TLK1: variants seen among roughly 807,000 people sequenced by gnomAD.
The protein encoded by TLK1 is tousled like kinase 1.
In TLK1, 24 loss-of-function variants were observed where a neutral mutation model predicts 105.3. The ratio of observed to expected loss-of-function variants is 0.23; its 90% confidence interval spans 0.17 to 0.32. TLK1 has a LOEUF of 0.32. Ranked by LOEUF, TLK1 falls within the 10% of genes least tolerant of loss-of-function variation. TLK1 has a pLI of 1.00. For missense variants in TLK1, 558 were observed against 910.5 expected (o/e 0.61, Z 4.98); for synonymous variants, 321 against 310.4 (o/e 1.03, Z -0.36).
intron 1 of TLK1, among the ~76,000 whole-genome samples, chr2:171,149,265 A>C (rs1241839734): frequency 6.6e-6 from 1 of 151,986 alleles, no homozygotes; most frequent in Non-Finnish European, 1.5e-5. Context: ...AAAAGAAATT[A>C]AATAATCCAT....
intron 4 of TLK1, 72 bp downstream of exon 4, chr2:171,061,009 T>C: frequency 7.1e-7 from 1 of 1,409,636 alleles, no homozygotes; most frequent in Non-Finnish European, 9.9e-7. Context: ...ATTAGAGTAT[T>C]AATTGGTTAA....
intron 1 of TLK1, among the ~76,000 whole-genome samples, chr2:171,138,132 G>A (rs1691415835): frequency 6.6e-6 from 1 of 152,244 alleles, no homozygotes; most frequent in Non-Finnish European, 1.5e-5. Flanking sequence ...GGTAGAGATA[G>A]GGGTTGTAAT....
intron 1 of TLK1, among the ~76,000 whole-genome samples, chr2:171,207,757 G>A (rs1693532802): frequency 6.6e-6 from 1 of 152,074 alleles, no homozygotes. Context: ...CTTTCTTTTT[G>A]TCACCCAGGC....
At chr2:171,149,026 C>A (rs888255520) in intron 1 of TLK1, among the ~76,000 whole-genome samples, 1 of 143,746 alleles carries the variant, frequency 7.0e-6, no homozygotes, top group Non-Finnish European at 1.5e-5. Flanking sequence ...TTGTTGGTCT[C>A]ATTTCTTGTC....
At chr2:171,157,534 C>T (rs534688622) in intron 1 of TLK1, among the ~76,000 whole-genome samples, 22 of 152,306 alleles carry the variant, frequency 1.4e-4, no homozygotes, top group Non-Finnish European at 2.5e-4. Flanking sequence ...ATATTTATCA[C>T]ATAATTTCCT....
intron 1 of TLK1, among the ~76,000 whole-genome samples, chr2:171,202,279 C>T (rs189339566): frequency 7.2e-5 from 11 of 151,920 alleles, no homozygotes; most frequent in African/African-American, 2.7e-4. Flanking sequence ...ATGGAGAAAC[C>T]CCATCTCTAT....
chr2:171,114,751 C>G (rs1309276427), intron 2 of TLK1, among the ~76,000 whole-genome samples: 2 of 152,062 alleles, frequency 1.3e-5, no homozygotes, highest in African/African-American at 4.8e-5. Flanking sequence ...GGGAGCATCA[C>G]CTGACCCCAG....
intron 18 of TLK1, among the ~76,000 whole-genome samples, chr2:170,998,662 G>A (rs1406081569): frequency 1.3e-5 from 2 of 152,210 alleles, no homozygotes; most frequent in Admixed American, 1.3e-4. Flanking sequence ...CAGACCGTGA[G>A]CAGCTCAAGG....
intron 18 of TLK1, among the ~76,000 whole-genome samples, chr2:171,003,273 C>CACA (rs1684482341): frequency 1.5e-5 from 1 of 68,508 alleles, no homozygotes; most frequent in Non-Finnish European, 2.6e-5. Context: ...GACTCCGTCT[C>CACA]AAAAAAAAAA....
At chr2:171,078,860 C>T (rs1055386418) in intron 3 of TLK1, among the ~76,000 whole-genome samples, 4 of 152,336 alleles carry the variant, frequency 2.6e-5, no homozygotes, top group East Asian at 1.9e-4. Flanking sequence ...TTTCATGTCC[C>T]TCCAACGCAA....
At chr2:171,225,371 T>C (rs1437094152) in intron 1 of TLK1, among the ~76,000 whole-genome samples, 1 of 152,042 alleles carries the variant, frequency 6.6e-6, no homozygotes, top group Non-Finnish European at 1.5e-5. Context: ...CCAATAAGCA[T>C]ACTAAAGATG....
At chr2:171,139,177 C>T (rs1691467032) in intron 1 of TLK1, among the ~76,000 whole-genome samples, 2 of 152,130 alleles carry the variant, frequency 1.3e-5, no homozygotes, top group African/African-American at 2.4e-5. Flanking sequence ...TATACACACA[C>T]ATATTATATA....
At chr2:171,034,582 G>A (rs1181109843) in intron 11 of TLK1, among the ~76,000 whole-genome samples, 2 of 152,202 alleles carry the variant, frequency 1.3e-5, no homozygotes, top group Admixed American at 1.3e-4. Context: ...GAGGTGAGAA[G>A]AGAAAGGGCT....
At chr2:171,227,185 G>A (rs1181059520) in intron 1 of TLK1, among the ~76,000 whole-genome samples, 3 of 152,076 alleles carry the variant, frequency 2.0e-5, no homozygotes, top group South Asian at 4.1e-4. Context: ...AGTTGAGGTG[G>A]AGCTGACCCT....
rs1683896400 is a variant in TLK1, at chr2:170,993,679, A to G, written c.*101T>C. The G allele has an allele frequency of 1.1e-6, 1 of 921,808 alleles. No individual in the cohort carries two copies. Among genetic ancestry groups the G allele is most frequent in the Non-Finnish European group, 1.5e-6 (1 of 684,648 alleles). The allele number at this position is 921,808 out of a possible 1,614,324, so 57.1% of individuals were successfully genotyped here. A position where few individuals can be genotyped will look rare whatever the true frequency, so the allele number is the denominator to read the frequency against. The stretch of plus-strand genomic sequence containing the variant: ...AACCACGTCTTGTGTAAAAAAAAAA[A>G]AAAAAAAAAAAGAAAAAGAAAACAA... On this transcript the variant is annotated 3_prime_UTR_variant, in exon 21 of 21. Coordinates refer to ENST00000431350, the MANE Select transcript of TLK1 (RefSeq NM_012290.5).
At chr2:171,194,709 C>T (rs1476701677) in intron 1 of TLK1, among the ~76,000 whole-genome samples, 2 of 119,942 alleles carry the variant, frequency 1.7e-5, no homozygotes, top group Admixed American at 8.0e-5. Context: ...CCCAGCTACT[C>T]CGGAGGCTGA....
chr2:171,090,357 TATTA>T lies in TLK1; in HGVS notation c.259-7509_259-7506del, dbSNP rs1689173422. 1.6e-5 allele frequency among the ~76,000 whole-genome samples: 2 copies of T among 124,470 alleles called. 1 individual carries two copies. The highest frequency in any genetic ancestry group is 1.5e-4 in the Admixed American group (2 of 13,216). The allele number at this position is 124,470 out of a possible 152,430, so 81.7% of individuals were successfully genotyped here. ...AATCAATGACCTTAACTAATTTACT[TATTA>T]GTTTTAATTATTTTTAGATTCCTTG... On this transcript the variant is annotated intron_variant, in intron 2 of 20. Transcript: ENST00000431350.
intron 2 of TLK1, among the ~76,000 whole-genome samples, chr2:171,095,997 G>C (rs1457501794): frequency 6.6e-6 from 1 of 151,546 alleles, no homozygotes; most frequent in African/African-American, 2.4e-5. Context: ...ATTCAATATA[G>C]TACCGGAAAT....
At chr2:171,050,302 G>T in intron 8 of TLK1, 128 bp from the exon 9 acceptor site, 1 of 535,650 alleles carries the variant, frequency 1.9e-6, no homozygotes. Context: ...AGTATGATAC[G>T]AGAAAAAAAA....
Sources: allele counts gnomAD v4.1 joint callset (sites outside exome capture counted in the v4.1 genomes callset), GRCh38; gene constraint gnomAD v4.1.1; transcripts MANE v1.5; gene names NCBI Gene and HGNC (gene_info 2026-07-23, HGNC 2026-07-21).